The following MYOCOS variants were observed in gnomAD, a reference collection of about 807,000 sequenced individuals.
The protein encoded by MYOCOS is myocilin opposite strand protein.
chr1:171,601,501 G>T (rs917855615), intron 1 of MYOCOS, among the ~76,000 whole-genome samples: 3 of 151,796 alleles, frequency 2.0e-5, no homozygotes, highest in South Asian at 4.2e-4. Context: ...AAAAAAATAG[G>T]TCAGGTGCAA....
chr1:171,609,280 C>A (rs769617488), intron 1 of MYOCOS, among the ~76,000 whole-genome samples: 1 of 152,220 alleles, frequency 6.6e-6, no homozygotes, highest in Non-Finnish European at 1.5e-5. Flanking sequence ...ACCTGGGAGC[C>A]AAATGTATTC....
At chr1:171,622,108 G>A (rs1652587425), upstream of MYOCOS, 1 of 152,196 alleles carries the variant, frequency 6.6e-6, no homozygotes, top group Non-Finnish European at 1.5e-5. Flanking sequence ...TTATCAGGAA[G>A]AGGTGGGATC....
At chr1:171,613,613 T>C (rs989485053) in intron 1 of MYOCOS, among the ~76,000 whole-genome samples, 43 of 152,164 alleles carry the variant, frequency 2.8e-4, no homozygotes, top group African/African-American at 1.0e-3. Context: ...AGTGGCGTGA[T>C]CATAGCTTGC....
chr1:171,623,983 C>T lies in MYOCOS; in HGVS notation c.95+5C>T. Reference sequence around the variant, plus strand: ...CCGAGTCACCATGATCACAAGGTACCCAAAATCTTTCCTCTGGATCGCTTG... The same window carrying T: ...CCGAGTCACCATGATCACAAGGTACTCAAAATCTTTCCTCTGGATCGCTTG... On this transcript the variant is annotated splice_donor_5th_base_variant and intron_variant, in intron 2 of 2. Transcript: ENST00000637642. 3 of 398,562 alleles carry T rather than the reference C, an allele frequency of 7.5e-6. No individual in the cohort carries two copies. The highest frequency in any genetic ancestry group is 1.3e-5 in the Non-Finnish European group (3 of 226,078). 24.7% of individuals were successfully genotyped at this position (398,562 alleles called of 1,614,324 possible). A position where few individuals can be genotyped will look rare whatever the true frequency, so the allele number is the denominator to read the frequency against.
At chr1:171,625,876 G>C (rs1652682257) in intron 2 of MYOCOS, among the ~76,000 whole-genome samples, 1 of 152,202 alleles carries the variant, frequency 6.6e-6, no homozygotes. Flanking sequence ...GGAGGATGGG[G>C]ATGGAGGAGT....
chr1:171,620,769 C>CTTT (rs201016150), upstream of MYOCOS, among the ~76,000 whole-genome samples: 307 of 108,142 alleles, frequency 2.8e-3, 7 homozygotes, highest in African/African-American at 0.011. Flanking sequence ...CTTTCTTTTT[C>CTTT]TTTCTTTTTT....
intron 1 of MYOCOS, among the ~76,000 whole-genome samples, chr1:171,601,773 C>A (rs970686309): frequency 6.6e-6 from 1 of 152,228 alleles, no homozygotes; most frequent in South Asian, 2.1e-4. Context: ...CCCCTTCCTC[C>A]CCACAGTAGT....
chr1:171,625,238 G>A (rs575482390), intron 2 of MYOCOS, among the ~76,000 whole-genome samples: 1 of 152,282 alleles, frequency 6.6e-6, no homozygotes, highest in Admixed American at 6.5e-5. Context: ...TCCATCCAAG[G>A]ACGAGATGGC....
At chr1:171,614,669 C>G (rs1345427257) in intron 1 of MYOCOS, 2 of 152,248 alleles carry the variant, frequency 1.3e-5, no homozygotes, top group Non-Finnish European at 2.9e-5. Flanking sequence ...GGGGGAACAA[C>G]TGCCTCAGCT....
upstream of MYOCOS, among the ~76,000 whole-genome samples, chr1:171,621,410 C>T (rs1652567985): frequency 7.9e-6 from 1 of 126,504 alleles, no homozygotes; most frequent in African/African-American, 3.1e-5. Context: ...TAGTCTCACT[C>T]TGTCAACCAG....
rs985281260 is a variant in MYOCOS at position 171,624,377 on chromosome 1, C to T, written c.95+399C>T. Among the ~76,000 whole-genome samples, 5 of 152,206 alleles carry T rather than the reference C, an allele frequency of 3.3e-5. No individual in the cohort carries two copies. In the South Asian group the frequency reaches 8.3e-4, roughly 25 times the overall value. ...TCAAGCTCCTGGGGCTTAAGCAATC[C>T]TCCCACCTCAGCCTCCCAAGTAGCT... On this transcript the variant is annotated intron_variant, in intron 2 of 2. Coordinates refer to ENST00000637642, the MANE Select transcript of MYOCOS (RefSeq NM_001391940.1).
At chr1:171,624,582 G>A (rs1652654282) in intron 2 of MYOCOS, among the ~76,000 whole-genome samples, 1 of 151,738 alleles carries the variant, frequency 6.6e-6, no homozygotes, top group Admixed American at 6.6e-5. Flanking sequence ...GACCACAGGC[G>A]CCCGCCACGA....
chr1:171,614,903 C>A (rs1306254283), exon 2 of MYOCOS: 2 of 152,176 alleles, frequency 1.3e-5, no homozygotes, highest in East Asian at 1.9e-4. Flanking sequence ...ATATTCCAGG[C>A]AGAGGTCTGA....
At chr1:171,613,609 G>A (rs146755920) in intron 1 of MYOCOS, among the ~76,000 whole-genome samples, 109 of 152,066 alleles carry the variant, frequency 7.2e-4, no homozygotes, top group Non-Finnish European at 1.2e-3. Flanking sequence ...GTGCAGTGGC[G>A]TGATCATAGC....
chr1:171,606,561 AC>A (rs202173588), intron 1 of MYOCOS, among the ~76,000 whole-genome samples: 2,908 of 152,284 alleles, frequency 0.019, 93 homozygotes, highest in African/African-American at 0.067. Flanking sequence ...GTATAAAAGA[AC>A]ATTGTGGAAC....
intron 2 of MYOCOS, among the ~76,000 whole-genome samples, chr1:171,625,482 A>T (rs1266231102): frequency 6.6e-6 from 1 of 152,216 alleles, no homozygotes; most frequent in Non-Finnish European, 1.5e-5. Flanking sequence ...GAGATTCTAC[A>T]TGTGGTTAGT....
At chr1:171,620,544 A>G (rs1456606909), upstream of MYOCOS, among the ~76,000 whole-genome samples, 1 of 152,124 alleles carries the variant, frequency 6.6e-6, no homozygotes, top group African/African-American at 2.4e-5. Context: ...TTTGTCATCT[A>G]TTGTCTCTAA....
intron 1 of MYOCOS, among the ~76,000 whole-genome samples, chr1:171,606,854 G>C (rs1652253410): frequency 1.3e-5 from 2 of 152,152 alleles, no homozygotes; most frequent in Middle Eastern, 3.2e-3. Context: ...AGCATTTTGG[G>C]AGGCGAAGGC....
At chr1:171,625,469 G>C (rs895123483) in intron 2 of MYOCOS, among the ~76,000 whole-genome samples, 1 of 152,218 alleles carries the variant, frequency 6.6e-6, no homozygotes, top group Non-Finnish European at 1.5e-5. Flanking sequence ...TAATGTGGGG[G>C]CTGAGATTCT....
Sources: gnomAD v4.1 joint callset for allele counts (sites outside exome capture counted in the v4.1 genomes callset) on GRCh38, gnomAD v4.1.1 for gene constraint, MANE v1.5 for transcripts, NCBI Gene and HGNC (gene_info 2026-07-23, HGNC 2026-07-21) for gene names.